Variants in ACOXL observed in about 807,000 individuals in gnomAD.
ACOXL encodes acyl-coenzyme A oxidase-like protein.
In ACOXL, 70 loss-of-function variants were observed where a neutral mutation model predicts 71.9. The observed-to-expected ratio is 0.97, with a 90% CI of 0.80 to 1.19. The LOEUF is 1.19. Among genes scored for constraint, ACOXL ranks in the 50% most tolerant of loss-of-function variants. The probability of loss-of-function intolerance (pLI) is 0.00; values close to 1 mark genes in which losing one functional copy is unlikely to be tolerated. For synonymous variants in ACOXL, 253 were observed against 281.6 expected (o/e 0.90, Z 1.02); for missense variants, 703 against 736.3 (o/e 0.95, Z 0.52).
At chr2:110,852,040 C>G (rs1023975302) in intron 10 of ACOXL, among the ~76,000 whole-genome samples, 6 of 152,236 alleles carry the variant, frequency 3.9e-5, no homozygotes, top group African/African-American at 1.4e-4. Context: ...AGCTGCCCTT[C>G]TGCCAGGGCC....
At chr2:110,952,046 A>G (rs1366444032) in intron 12 of ACOXL, among the ~76,000 whole-genome samples, 1 of 152,192 alleles carries the variant, frequency 6.6e-6, no homozygotes, top group East Asian at 1.9e-4. Context: ...AAGAGTTTGT[A>G]TAGAATTGAA....
At chr2:110,804,135 C>A (rs545754656) in intron 8 of ACOXL, among the ~76,000 whole-genome samples, 2 of 151,906 alleles carry the variant, frequency 1.3e-5, no homozygotes, top group African/African-American at 4.8e-5. Context: ...TACAGGCATG[C>A]GCCACCATGC....
chr2:110,782,889 C>T (rs1683515613), intron 2 of ACOXL, among the ~76,000 whole-genome samples: 1 of 152,110 alleles, frequency 6.6e-6, no homozygotes, highest in Non-Finnish European at 1.5e-5. Context: ...GAGGGTGACT[C>T]TCAGGAAGAT....
At chr2:111,084,791 C>A (rs2068117082) in intron 16 of ACOXL, among the ~76,000 whole-genome samples, 2 of 151,342 alleles carry the variant, frequency 1.3e-5, no homozygotes, top group East Asian at 3.9e-4. Flanking sequence ...TGATAAAGAG[C>A]AAGACCCAAT....
At chr2:110,981,339 C>T (rs981558891) in intron 12 of ACOXL, among the ~76,000 whole-genome samples, 1 of 152,182 alleles carries the variant, frequency 6.6e-6, no homozygotes, top group Non-Finnish European at 1.5e-5. Context: ...GCCTGGGCGA[C>T]AGAGTGAAAC....
intron 10 of ACOXL, among the ~76,000 whole-genome samples, chr2:110,846,929 G>A (rs192508670): frequency 5.3e-5 from 8 of 152,286 alleles, no homozygotes; most frequent in African/African-American, 9.6e-5. Flanking sequence ...GACTGCCTGC[G>A]CGCTTAACAA....
intron 12 of ACOXL, among the ~76,000 whole-genome samples, chr2:110,964,729 G>C (rs1458730201): frequency 1.3e-5 from 2 of 152,200 alleles, no homozygotes; most frequent in African/African-American, 4.8e-5. Flanking sequence ...GGATACATGT[G>C]ATGTTTTGTT....
intron 16 of ACOXL, among the ~76,000 whole-genome samples, chr2:111,084,385 AACCCCAGCATAACATGAGGCTTG>A (rs2068096760): frequency 6.6e-6 from 1 of 152,062 alleles, no homozygotes; most frequent in South Asian, 2.1e-4. Context: ...AGTAGGGCCA[AACCCCAGCATAACATGAGGCTTG>A]ACAAATAATC....
At chr2:111,044,812 A>G (rs147730418) in intron 15 of ACOXL, among the ~76,000 whole-genome samples, 15 of 152,322 alleles carry the variant, frequency 9.8e-5, no homozygotes, top group Admixed American at 4.6e-4. Flanking sequence ...ATTGTAGATC[A>G]TTTACTGCCG....
intron 12 of ACOXL, among the ~76,000 whole-genome samples, chr2:110,951,707 T>C (rs1208199648): frequency 6.6e-6 from 1 of 152,240 alleles, no homozygotes; most frequent in Non-Finnish European, 1.5e-5. Context: ...TTTATGGAAT[T>C]ATTTATCTGC....
chr2:110,940,035 G>C (rs142621580), intron 12 of ACOXL, among the ~76,000 whole-genome samples: 2 of 152,208 alleles, frequency 1.3e-5, no homozygotes, highest in Non-Finnish European at 2.9e-5. Flanking sequence ...TGAAGTAAAA[G>C]GTATGCTTTC....
intron 3 of ACOXL, among the ~76,000 whole-genome samples, chr2:110,790,708 C>T (rs1328121528): frequency 2.0e-5 from 3 of 152,162 alleles, no homozygotes; most frequent in Non-Finnish European, 2.9e-5. Context: ...GACAGGAGAA[C>T]CACAGTGTCC....
chr2:110,788,408 A>G (rs72832817), intron 3 of ACOXL, among the ~76,000 whole-genome samples: 7,809 of 152,324 alleles, frequency 0.051, 309 homozygotes, highest in African/African-American at 0.11. Context: ...GTATGAGCCT[A>G]CTTATATAAA....
intron 15 of ACOXL, among the ~76,000 whole-genome samples, chr2:111,039,776 A>G (rs1403967564): frequency 1.3e-5 from 2 of 152,194 alleles, no homozygotes; most frequent in Admixed American, 1.3e-4. Flanking sequence ...TTCTGTGTCC[A>G]GGAGTGCAGC....
chr2:110,920,828 C>A (rs1393985542), intron 11 of ACOXL, among the ~76,000 whole-genome samples: 1 of 152,022 alleles, frequency 6.6e-6, no homozygotes, highest in Non-Finnish European at 1.5e-5. Flanking sequence ...CACTGTATAT[C>A]TTTTCATTTA....
intron 11 of ACOXL, among the ~76,000 whole-genome samples, chr2:110,911,601 A>G (rs2059652433): frequency 6.6e-6 from 1 of 152,098 alleles, no homozygotes; most frequent in Non-Finnish European, 1.5e-5. Context: ...TTAATAGAAT[A>G]TGTGAAAAAA....
chr2:110,829,180 C>T (rs993516404), intron 9 of ACOXL, among the ~76,000 whole-genome samples: 4 of 152,166 alleles, frequency 2.6e-5, no homozygotes, highest in Admixed American at 2.6e-4. Flanking sequence ...ATGTTTGATA[C>T]TTGTTATATT....
At chr2:111,051,370 G>T (rs1401205547) in intron 16 of ACOXL, among the ~76,000 whole-genome samples, 1 of 152,198 alleles carries the variant, frequency 6.6e-6, no homozygotes, top group Non-Finnish European at 1.5e-5. Context: ...GTTTGCTCTA[G>T]TGAGCTATCC....
chr2:110,977,801 A>G (rs1181983057), intron 12 of ACOXL, among the ~76,000 whole-genome samples: 2 of 152,150 alleles, frequency 1.3e-5, no homozygotes, highest in Non-Finnish European at 1.5e-5. Flanking sequence ...GGGGACTATG[A>G]GTTCTTGACA....
Sources: allele counts gnomAD v4.1 joint callset (sites outside exome capture counted in the v4.1 genomes callset), GRCh38; gene constraint gnomAD v4.1.1; transcripts MANE v1.5; gene names NCBI Gene and HGNC (gene_info 2026-07-23, HGNC 2026-07-21).